The following MUC5AC variants were observed in gnomAD, a reference collection of about 807,000 sequenced individuals.
MUC5AC encodes the protein mucin 5AC, oligomeric mucus/gel-forming, also known as mucin-5AC.
MUC5AC carries 158 observed loss-of-function variants against 169.7 expected under a neutral mutation model. The ratio of observed to expected loss-of-function variants is 0.93; its 90% confidence interval spans 0.82 to 1.06. The LOEUF is 1.06. MUC5AC is among the 50% of genes least tolerant of loss of function. The probability of loss-of-function intolerance (pLI) is 0.00; values close to 1 mark genes in which losing one functional copy is unlikely to be tolerated. For missense variants in MUC5AC, 4,359 were observed against 3,089.9 expected (o/e 1.41, Z -9.74); for synonymous variants, 1,975 against 1,237.0 (o/e 1.60, Z -12.52).
In MUC5AC at chr11:1,161,976, G is replaced by A; in HGVS notation, c.281G>A (p.Gly94Asp). 6.2e-7 allele frequency: 1 copy of A among 1,612,408 alleles called. No individual in the cohort carries two copies. The highest frequency in any genetic ancestry group is 8.5e-7 in the Non-Finnish European group (1 of 1,179,740). ...AGCTTCCACTACAAGACCTTCGACG[G>A]CGACGTCTTCCGCTTCCCCGGCCTC... is the stretch of plus-strand genomic sequence containing the variant. ...WGSFHYKTFD[G>D]DVFRFPGLCN... is the part of the protein sequence containing the mutation. The change falls in exon 4 of 49, where the codon GGC becomes GAC. Residue 94 changes from glycine to aspartate, a missense_variant. Transcript: ENST00000621226.
chr11:1,162,920 G>C, intron 5 of MUC5AC, 35 bp from the exon 6 acceptor site: 1 of 1,573,380 alleles, frequency 6.4e-7, no homozygotes, highest in South Asian at 1.1e-5. Context: ...TCTGCCCCTG[G>C]TGGGGATGGG....
chr11:1,162,936 G>A lies in MUC5AC; in HGVS notation c.589-19G>A. 6.2e-7 allele frequency: 1 copy of A among 1,608,850 alleles called. No individual in the cohort carries two copies. The highest frequency in any genetic ancestry group is 1.1e-5 in the South Asian group (1 of 91,004). ...CTGCCCCTGGTGGGGATGGGTGTCT[G>A]ATGTCTCTCCCTTTGCAGCTGGAGC... is the stretch of plus-strand genomic sequence containing the variant. On this transcript the variant is annotated intron_variant, in intron 5 of 48. Coordinates refer to ENST00000621226, the MANE Select transcript of MUC5AC (RefSeq NM_001304359.2).
At position 1,182,900 on chromosome 11, in the gene MUC5AC, C is replaced by T. The variant is rs1443473417; in HGVS notation, c.4755C>T (p.Thr1585=). The T allele has an allele frequency of 6.0e-5, 24 of 398,654 alleles. No individual in the cohort carries two copies. In the Admixed American group the frequency reaches 6.6e-4, roughly 11 times the overall value. The allele number at this position is 398,654 out of a possible 1,614,324, so 24.7% of individuals were successfully genotyped here. A position where few individuals can be genotyped will look rare whatever the true frequency, so the allele number is the denominator to read the frequency against. Residue 1585 remains threonine, a synonymous_variant, in exon 31 of 49, where the codon ACC becomes ACT. Transcript: ENST00000621226. The part of the protein sequence containing the change: ...SSCLQELCTW[T]EWIDGSYPAP... ...GCCTGCAGGAGCTTTGCACCTGGACCGAGTGGATCGATGGCAGCTACCCTG... is the reference window on the plus strand; with the variant it reads ...GCCTGCAGGAGCTTTGCACCTGGACTGAGTGGATCGATGGCAGCTACCCTG...
chr11:1,175,352 C>A, intron 19 of MUC5AC, 82 bp downstream of exon 19: 1 of 398,540 alleles, frequency 2.5e-6, no homozygotes. Flanking sequence ...CAGGGTTAGC[C>A]CCACCACAAG....
chr11:1,165,248 G>A (rs879025347), intron 9 of MUC5AC, 54 bp from the exon 10 acceptor site: 33 of 1,518,536 alleles, frequency 2.2e-5, no homozygotes, highest in South Asian at 1.9e-4. Flanking sequence ...CCCCTGCAAC[G>A]CCCACTGCGT....
intron 40 of MUC5AC, among the ~76,000 whole-genome samples, 196 bp from the exon 41 acceptor site, chr11:1,197,272 C>T (rs572653557): frequency 9.8e-5 from 15 of 152,330 alleles, no homozygotes; most frequent in African/African-American, 3.6e-4. Flanking sequence ...CACCCCACAG[C>T]CTGCCCACCT....
intron 5 of MUC5AC, 64 bp downstream of exon 5, chr11:1,162,710 A>G (rs1564906014): frequency 2.7e-6 from 4 of 1,476,468 alleles, no homozygotes; most frequent in Non-Finnish European, 3.8e-6. Context: ...CTGCTCCCAC[A>G]GCCTCTCCGG....
chr11:1,187,298 C>T lies in MUC5AC; in HGVS notation c.9153C>T (p.Ser3051=), dbSNP rs1860976416. Residue 3051 remains serine, a synonymous_variant, in exon 31 of 49, where the codon AGC becomes AGT. Coordinates refer to ENST00000621226, the MANE Select transcript of MUC5AC (RefSeq NM_001304359.2). ...TSSTTSSPQT[S]TTSASTTSIT... The stretch of plus-strand genomic sequence containing the variant: ...GCACAACCTCCTCTCCACAGACCAG[C>T]ACAACCTCGGCTTCTACCACCAGCA... 5 of 701,658 alleles carry T rather than the reference C, an allele frequency of 7.1e-6. No individual in the cohort carries two copies. The highest frequency in any genetic ancestry group is 5.9e-5 in the South Asian group (4 of 67,866). The allele number at this position is 701,658 out of a possible 1,614,324, so 43.5% of individuals were successfully genotyped here. A position where few individuals can be genotyped will look rare whatever the true frequency, so the allele number is the denominator to read the frequency against.
In MUC5AC at chr11:1,184,836, A is replaced by G; in HGVS notation, c.6691A>G (p.Ser2231Gly). ...GACCTCCACACCTGTGACAGCTCCTAGCACCCCTAGTGGGAGAGCCACCAG... is the reference window on the plus strand; with the variant it reads ...GACCTCCACACCTGTGACAGCTCCTGGCACCCCTAGTGGGAGAGCCACCAG... ...PVTSTPVTAP[S>G]TPSGRATSPT... Residue 2231 changes from serine (S) to glycine (G), a missense_variant, in exon 31 of 49, where the codon AGC (serine) becomes GGC (glycine). Transcript: ENST00000621226. 1.6e-6 allele frequency: 1 copy of G among 639,684 alleles called. No individual in the cohort carries two copies. Among genetic ancestry groups the G allele is most frequent in the East Asian group, 2.6e-5 (1 of 38,516 alleles). The allele number at this position is 639,684 out of a possible 1,614,324, so 39.6% of individuals were successfully genotyped here.
At position 1,169,022 on chromosome 11, in the gene MUC5AC, G is replaced by A. The variant is rs1860416274; in HGVS notation, c.1866G>A (p.Glu622=). ...SFEDPCSLSV[E]NEKYAQHWCS... ...AGGACCCCTGCTCTCTGAGCGTGGA[G>A]AATGGTACGGGTGTCCACGGCTCGC... is the stretch of plus-strand genomic sequence containing the variant. The change falls in exon 15 of 49, where the codon GAG becomes GAA. Residue 622 remains glutamate (E), a synonymous_variant. Transcript: ENST00000621226. The A allele has an allele frequency of 6.3e-7, 1 of 1,586,900 alleles. No individual in the cohort carries two copies. Among genetic ancestry groups the A allele is most frequent in the Non-Finnish European group, 8.6e-7 (1 of 1,165,614 alleles).
At chr11:1,177,967 C>A (rs1181363332) in intron 24 of MUC5AC, among the ~76,000 whole-genome samples, 1 of 152,204 alleles carries the variant, frequency 6.6e-6, no homozygotes. Flanking sequence ...CTGCCGGGGT[C>A]CCCAGCGCTC....
Position 1,184,729 on chromosome 11 carries a change from A to G in MUC5AC, c.6584A>G (p.Gln2195Arg). Residue 2195 changes from glutamine (Q) to arginine (R), a missense_variant, in exon 31 of 49, where the codon CAG (glutamine) becomes CGG (arginine). Coordinates refer to ENST00000621226, the MANE Select transcript of MUC5AC (RefSeq NM_001304359.2). ...SREEGLVCRN[Q>R]DQQGPFKMCL... ...GAAGAGGGCCTGGTGTGCCGGAACCAGGACCAGCAGGGACCCTTCAAGATG... is the reference window on the plus strand; with the variant it reads ...GAAGAGGGCCTGGTGTGCCGGAACCGGGACCAGCAGGGACCCTTCAAGATG... 1 of 630,874 alleles carries G rather than the reference A, an allele frequency of 1.6e-6. No homozygotes were observed. 39.1% of individuals were successfully genotyped at this position (630,874 alleles called of 1,614,324 possible).
At chr11:1,171,100 C>T (rs1254918887) in intron 15 of MUC5AC, among the ~76,000 whole-genome samples, 1 of 144,054 alleles carries the variant, frequency 6.9e-6, no homozygotes, top group Non-Finnish European at 1.5e-5. Flanking sequence ...ACCGACTCAA[C>T]CATTCACTCA....
In MUC5AC at chr11:1,189,402, A is replaced by G. The variant is rs1311197681; in HGVS notation, c.11257A>G (p.Thr3753Ala). The change falls in exon 31 of 49, where the codon ACC (threonine) becomes GCC (alanine). Residue 3753 changes from threonine (T) to alanine (A), a missense_variant. Physicochemically the swap from Thr to Ala is moderately conservative, Grantham distance 58. Coordinates refer to ENST00000621226, the MANE Select transcript of MUC5AC (RefSeq NM_001304359.2). ...AATCTCTGCCCCTACAACCAGCACA[A>G]CCTCTGCTCCCACAGCCAGCACAAC... ...STISAPTTST[T>A]SAPTASTTSA... 1.8e-6 allele frequency: 1 copy of G among 568,002 alleles called. No homozygotes were observed. Among genetic ancestry groups the G allele is most frequent in the South Asian group, 2.5e-5 (1 of 40,098 alleles). The allele number at this position is 568,002 out of a possible 1,614,324, so 35.2% of individuals were successfully genotyped here. A position where few individuals can be genotyped will look rare whatever the true frequency, so the allele number is the denominator to read the frequency against.
In MUC5AC at chr11:1,187,594, C is replaced by G. The variant is rs1422201886; in HGVS notation, c.9449C>G (p.Ser3150Cys). 21 of 760,558 alleles carry G rather than the reference C, an allele frequency of 2.8e-5. No individual in the cohort carries two copies. The highest frequency in any genetic ancestry group is 2.3e-4 in the South Asian group (17 of 74,042). 47.1% of individuals were successfully genotyped at this position (760,558 alleles called of 1,614,324 possible). A position where few individuals can be genotyped will look rare whatever the true frequency, so the allele number is the denominator to read the frequency against. ...TTSASTASKT[S>C]GPGTTPSPVP... ...TCTGCCTCTACAGCCAGCAAAACCT[C>G]TGGTCCTGGAACCACTCCCAGCCCT... The change falls in exon 31 of 49, where the codon TCT (serine) becomes TGT (cysteine). Residue 3150 changes from serine to cysteine, a missense_variant. Physicochemically the swap from Ser to Cys is moderately radical, Grantham distance 112. Transcript: ENST00000621226.
In MUC5AC at chr11:1,185,809, G is replaced by C. The variant is rs1860928485; in HGVS notation, c.7664G>C (p.Ser2555Thr). The C allele has an allele frequency of 1.3e-6, 1 of 745,530 alleles. No homozygotes were observed. The highest frequency in any genetic ancestry group is 1.8e-5 in the Admixed American group (1 of 56,022). The allele number at this position is 745,530 out of a possible 1,614,324, so 46.2% of individuals were successfully genotyped here. A position where few individuals can be genotyped will look rare whatever the true frequency, so the allele number is the denominator to read the frequency against. ...AGCACAACCTCTGCCCCTATAAGCA[G>C]CACAACCTCTGCCACTACAACCAGC... ...TTSTTSAPIS[S>T]TTSATTTSTT... is the part of the protein sequence containing the mutation. Residue 2555 changes from serine to threonine, a missense_variant, in exon 31 of 49, where the codon AGC becomes ACC. Ser to Thr is a moderately conservative substitution (Grantham distance 58). Transcript: ENST00000621226.
chr11:1,184,812 A>G lies in MUC5AC; in HGVS notation c.6667A>G (p.Thr2223Ala). The G allele has an allele frequency of 1.5e-6, 1 of 646,758 alleles. No homozygotes were observed. Among genetic ancestry groups the G allele is most frequent in the East Asian group, 2.6e-5 (1 of 39,084 alleles). 40.1% of individuals were successfully genotyped at this position (646,758 alleles called of 1,614,324 possible). Reference sequence around the variant, plus strand: ...CGAGACCCCCAAAGGCTGCCCCGTGACCTCCACACCTGTGACAGCTCCTAG... The same window carrying G: ...CGAGACCCCCAAAGGCTGCCCCGTGGCCTCCACACCTGTGACAGCTCCTAG... ...CCETPKGCPV[T>A]STPVTAPSTP... Residue 2223 changes from threonine (T) to alanine (A), a missense_variant, in exon 31 of 49, where the codon ACC becomes GCC. By Grantham distance (58) the Thr-to-Ala change is moderately conservative (BLOSUM62 0). Coordinates refer to ENST00000621226, the MANE Select transcript of MUC5AC (RefSeq NM_001304359.2).
chr11:1,178,331 A>T (rs1860734572), intron 24 of MUC5AC, 113 bp from the exon 25 acceptor site: 1 of 354,158 alleles, frequency 2.8e-6, no homozygotes. Flanking sequence ...GGGTGGGAGG[A>T]GGCGGCCGCA....
chr11:1,199,516 C>G (rs1359839383), intron 46 of MUC5AC, 26 bp downstream of exon 46: 1 of 703,112 alleles, frequency 1.4e-6, no homozygotes. Context: ...CCCGCTCCAG[C>G]CAAGGGGGGC....
Sources: gnomAD v4.1 joint callset for allele counts (sites outside exome capture counted in the v4.1 genomes callset) on GRCh38, gnomAD v4.1.1 for gene constraint, MANE v1.5 for transcripts, NCBI Gene and HGNC (gene_info 2026-07-23, HGNC 2026-07-21) for gene names.